The following HELZ2 variants were observed in gnomAD, a reference collection of about 807,000 sequenced individuals.
HELZ2 encodes 3'-5' exoribonuclease HELZ2.
In HELZ2, 143 loss-of-function variants were observed where a neutral mutation model predicts 208.8. The observed-to-expected ratio is 0.68, with a 90% CI of 0.60 to 0.79. The LOEUF (loss-of-function observed/expected upper bound fraction) is 0.79, where lower values mean the gene tolerates loss of function less well. Ranked by LOEUF, HELZ2 falls within the 30% of genes least tolerant of loss-of-function variation. HELZ2 has a pLI of 0.00. For synonymous variants in HELZ2, 1,705 were observed against 1,693.7 expected (o/e 1.01, Z -0.16); for missense variants, 3,690 against 3,794.5 (o/e 0.97, Z 0.72).
chr20:63,563,274 TCTC>T, exon 8 of HELZ2: 2 of 1,554,684 alleles, frequency 1.3e-6, no homozygotes, highest in East Asian at 2.4e-5. Flanking sequence ...GCCTCGCCCT[TCTC>T]CTGGATGAGA....
chr20:63,568,075 A>T, intron 5 of HELZ2: 1 of 553,908 alleles, frequency 1.8e-6, no homozygotes. Context: ...AACGAAAAAC[A>T]AGACTCATCC....
exon 5 of HELZ2, chr20:63,568,524 C>T: frequency 1.3e-6 from 2 of 1,582,616 alleles, no homozygotes; most frequent in Non-Finnish European, 1.7e-6. Context: ...AGCGCCACGG[C>T]CAGCTCCTGC....
At chr20:63,559,799 G>A (rs1441266309) in intron 18 of HELZ2, 129 bp downstream of exon 19, 4 of 670,134 alleles carry the variant, frequency 6.0e-6, no homozygotes, top group East Asian at 6.0e-5. Context: ...TCAGGTGGGA[G>A]GAGTCAGGGT....
Position 63,571,058 on chromosome 20 carries a change from T to A in HELZ2, c.279-190A>T, listed in dbSNP as rs3746345. The A allele has an allele frequency of 1.4e-3, 756 of 545,190 alleles. 16 individuals are homozygous for A. In the East Asian group the frequency reaches 0.022, roughly 16 times the overall value. 33.8% of individuals were successfully genotyped at this position (545,190 alleles called of 1,614,324 possible). On this transcript the variant is annotated intron_variant, in intron 1 of 18. Coordinates refer to ENST00000467148, the Ensembl canonical transcript of HELZ2. ...CAAACATGAACCTCCCTTATCCGGG[T>A]CCTCAGAGGCCACATGGCTTTAGCC...
At chr20:63,573,481 T>C (rs1005168167), upstream of HELZ2, among the ~76,000 whole-genome samples, 5 of 152,022 alleles carry the variant, frequency 3.3e-5, no homozygotes, top group Non-Finnish European at 5.9e-5. The surrounding 1 kb of genome is among the most constrained non-coding windows in gnomAD (Gnocchi z 4.9). Context: ...CTGAAGGGTC[T>C]CAGGCCCCAC....
chr20:63,570,437 C>A (rs1415227920), intron 3 of HELZ2, 67 bp downstream of exon 4: 1 of 1,328,190 alleles, frequency 7.5e-7, no homozygotes, highest in Non-Finnish European at 1.1e-6. Context: ...CTGTTGACGT[C>A]TGCCCGGGCT....
chr20:63,560,825 G>A lies in HELZ2; in HGVS notation c.7251C>T (p.Asp2417=), dbSNP rs373402164. The A allele has an allele frequency of 2.5e-4, 410 of 1,612,956 alleles. 9 individuals carry two copies. In the South Asian group the frequency reaches 3.3e-3, roughly 13 times the overall value. The stretch of plus-strand genomic sequence containing the variant: ...GGTACTGAGTGTCCAGCATATGTGC[G>A]TCCTCGTGGTACCGCTCGAACAGAG... The change falls in exon 15 of 19, where the codon GAC becomes GAT. Residue 2417 remains aspartate, a synonymous_variant. Transcript: ENST00000467148.
chr20:63,563,369 G>C, exon 8 of HELZ2: 1 of 1,537,420 alleles, frequency 6.5e-7, no homozygotes, highest in Non-Finnish European at 8.7e-7. Flanking sequence ...CAGGGTGTGT[G>C]GGTCCGGCAC....
rs755719072 is a variant in HELZ2, at chr20:63,563,864, C to G, written c.4958G>C (p.Gly1653Ala). 7 of 1,595,638 alleles carry G rather than the reference C, an allele frequency of 4.4e-6. 1 individual carries two copies. The Middle Eastern group carries it at 9.9e-4, about 227-fold the overall frequency. The change falls in exon 8 of 19, where the codon GGC (glycine) becomes GCC (alanine). Residue 1653 changes from glycine (G) to alanine (A), a missense_variant. By Grantham distance (60) the Gly-to-Ala change is moderately conservative (BLOSUM62 0). Transcript: ENST00000467148. The stretch of plus-strand genomic sequence containing the variant: ...GTAGTGGCCGCCCTGCTGCTGGTGG[C>G]CCCGGGCGCAGCGGCCGAACGCCGA...
At chr20:63,558,822 C>T (rs565080959), downstream of HELZ2, 193 of 154,500 alleles carry the variant, frequency 1.2e-3, no homozygotes, top group Middle Eastern at 6.8e-3. Context: ...TGGGCGTGAG[C>T]CACCACGCCC....
chr20:63,570,742 C>T (rs2083008627), exon 2 of HELZ2: 3 of 1,468,718 alleles, frequency 2.0e-6, no homozygotes, highest in Non-Finnish European at 9.2e-7. Context: ...CCTGGTAGGG[C>T]ACCAGCCCGT....
chr20:63,568,336 G>A, intron 5 of HELZ2, 22 bp downstream of exon 6: 1 of 1,576,882 alleles, frequency 6.3e-7, no homozygotes, highest in Non-Finnish European at 8.7e-7. Flanking sequence ...GTGAGGTGGG[G>A]GCAGGCCAGG....
intron 1 of HELZ2, 47 bp from the exon 3 acceptor site, chr20:63,570,915 G>C (rs369807339): frequency 6.7e-7 from 1 of 1,490,938 alleles, no homozygotes; most frequent in Non-Finnish European, 9.1e-7. Context: ...CACAGCCGCC[G>C]TGCTGAGTTC....
chr20:63,561,882 A>G, exon 11 of HELZ2: 1 of 1,574,522 alleles, frequency 6.4e-7, no homozygotes, highest in Non-Finnish European at 8.6e-7. Flanking sequence ...GGGACCCCCC[A>G]GCCGCTTCTC....
chr20:63,570,066 A>C, intron 3 of HELZ2: 1 of 409,704 alleles, frequency 2.4e-6, no homozygotes, highest in South Asian at 2.1e-5. Context: ...TTCCTGCCTC[A>C]GCCTCCCGAG....
At chr20:63,560,060 G>A (rs147749912) in exon 18 of HELZ2, 152 of 1,608,624 alleles carry the variant, frequency 9.4e-5, no homozygotes, top group Admixed American at 3.9e-4. Flanking sequence ...GCACAGGTGC[G>A]GACGGTGCTC....
exon 8 of HELZ2, chr20:63,563,799 T>C: frequency 1.2e-6 from 2 of 1,602,314 alleles, no homozygotes; most frequent in Non-Finnish European, 1.7e-6. Flanking sequence ...TACCTGCGGA[T>C]GGGCGAGGTG....
At chr20:63,562,718 A>G (rs777524031) in exon 8 of HELZ2, 1 of 1,601,836 alleles carries the variant, frequency 6.2e-7, no homozygotes, top group East Asian at 2.3e-5. Context: ...GCCGGGGTCA[A>G]CATTCAGGCC....
Position 63,566,455 on chromosome 20 carries a change from T to A in HELZ2, c.2515-2A>T. 1.3e-6 allele frequency: 2 copies of A among 1,547,996 alleles called. No homozygotes were observed. Among genetic ancestry groups the A allele is most frequent in the Non-Finnish European group, 1.7e-6 (2 of 1,146,610 alleles). On this transcript the variant is annotated splice_acceptor_variant, in intron 6 of 18. Coordinates refer to ENST00000467148, the Ensembl canonical transcript of HELZ2. LOFTEE classifies it high-confidence loss of function. The stretch of plus-strand genomic sequence containing the variant: ...CAGCTCCTGCCTCAGTGCACTGACC[T>A]GAAGACGCAGCAGGGCCGGGGATGA...
Sources: allele counts gnomAD v4.1 joint callset (sites outside exome capture counted in the v4.1 genomes callset), GRCh38; gene constraint gnomAD v4.1.1; non-coding constraint Gnocchi (gnomAD v3.1); transcripts MANE v1.5; gene names NCBI Gene and HGNC (gene_info 2026-07-23, HGNC 2026-07-21).